Variants in NLRP14 observed in about 807,000 individuals in gnomAD.
NLRP14 encodes NLR family pyrin domain containing 14.
In NLRP14, 105 loss-of-function variants were observed where a neutral mutation model predicts 94.7. That is an observed-to-expected ratio of 1.11 (90% CI 0.95 to 1.30). The LOEUF is 1.30. Among genes scored for constraint, NLRP14 ranks in the 50% most tolerant of loss-of-function variants. The pLI, the probability that NLRP14 is intolerant of heterozygous loss-of-function variation, is 0.00. For synonymous variants in NLRP14, 508 were observed against 459.9 expected (o/e 1.10, Z -1.34); for missense variants, 1,362 against 1,254.1 (o/e 1.09, Z -1.30).
At chr11:7,028,361 A>G (rs1048491666) in intron 1 of NLRP14, among the ~76,000 whole-genome samples, 24 of 152,048 alleles carry the variant, frequency 1.6e-4, no homozygotes, top group Non-Finnish European at 1.5e-4. Flanking sequence ...TTGCAGTTCT[A>G]TCTTAAAAAC....
downstream of NLRP14, among the ~76,000 whole-genome samples, chr11:7,075,317 T>A (rs1362278316): frequency 6.6e-6 from 1 of 152,178 alleles, no homozygotes; most frequent in Non-Finnish European, 1.5e-5. Context: ...TTTTTGAAAA[T>A]TTCAACATTT....
chr11:7,080,863 A>G, the NLRP14 span, among the ~76,000 whole-genome samples: 1 of 152,212 alleles, frequency 6.6e-6, no homozygotes, highest in African/African-American at 2.4e-5. Context: ...TGTGGTCAGG[A>G]TCACTTTCTC....
chr11:7,082,799 T>C, the NLRP14 span, among the ~76,000 whole-genome samples: 6 of 152,202 alleles, frequency 3.9e-5, no homozygotes, highest in Non-Finnish European at 5.9e-5. Flanking sequence ...CCCACTACCA[T>C]TCACATAGGG....
downstream of NLRP14, among the ~76,000 whole-genome samples, chr11:7,072,566 C>T (rs1391442199): frequency 6.6e-6 from 1 of 152,168 alleles, no homozygotes; most frequent in Non-Finnish European, 1.5e-5. Context: ...CCTGTTGATC[C>T]CTCCCTTGGG....
intron 1 of NLRP14, among the ~76,000 whole-genome samples, chr11:7,033,811 G>T (rs150924974): frequency 1.9e-4 from 29 of 152,326 alleles, no homozygotes; most frequent in African/African-American, 6.7e-4. Flanking sequence ...GACCTTGACA[G>T]TTCTGAGAAG....
At chr11:7,040,173 C>T (rs188083518) in intron 3 of NLRP14, among the ~76,000 whole-genome samples, 9 of 152,142 alleles carry the variant, frequency 5.9e-5, no homozygotes, top group Non-Finnish European at 1.0e-4. Context: ...CATATAAAAA[C>T]TGATTTCTAG....
downstream of NLRP14, among the ~76,000 whole-genome samples, chr11:7,075,379 TAGG>T (rs1406685504): frequency 5.3e-5 from 8 of 152,204 alleles, no homozygotes; most frequent in African/African-American, 1.7e-4. Context: ...AGTGGGCTGA[TAGG>T]AGGAATATTA....
At chr11:7,070,542 A>T in intron 11 of NLRP14, 86 bp downstream of exon 11, 1 of 848,974 alleles carries the variant, frequency 1.2e-6, no homozygotes, top group Non-Finnish European at 2.0e-6. Flanking sequence ...CTCAGAATCC[A>T]CCTAATTGTG....
chr11:7,070,506 T>C lies in NLRP14; in HGVS notation c.3146+50T>C, dbSNP rs374998315. 2.9e-5 allele frequency: 39 copies of C among 1,350,374 alleles called. No homozygotes were observed. In the African/African-American group the frequency reaches 5.2e-4, roughly 18 times the overall value. The allele number at this position is 1,350,374 out of a possible 1,614,324, so 83.6% of individuals were successfully genotyped here. On this transcript the variant is annotated intron_variant, in intron 11 of 11. Coordinates refer to ENST00000299481, the MANE Select transcript of NLRP14 (RefSeq NM_176822.4). ...GGGAGCATTTCCTATAATGAGGGATTTGGGGAGCCACTCATTAATACAGGC... is the reference window on the plus strand; with the variant it reads ...GGGAGCATTTCCTATAATGAGGGATCTGGGGAGCCACTCATTAATACAGGC...
Position 7,043,990 on chromosome 11 carries a change from T to A in NLRP14, c.1958+6T>A. The A allele has an allele frequency of 6.2e-7, 1 of 1,613,408 alleles. No individual in the cohort carries two copies. The highest frequency in any genetic ancestry group is 1.1e-5 in the South Asian group (1 of 91,050). On this transcript the variant is annotated splice_donor_region_variant and intron_variant, in intron 4 of 11. Coordinates refer to ENST00000299481, the MANE Select transcript of NLRP14 (RefSeq NM_176822.4). ...AGCCTCCCAACTAACACTTGGTAAG[T>A]GTGTTAGGGCCATTCCCTGGAAGTG...
intron 4 of NLRP14, 72 bp from the exon 5 acceptor site, chr11:7,046,596 C>G: frequency 7.2e-7 from 1 of 1,396,346 alleles, no homozygotes; most frequent in Non-Finnish European, 1.0e-6. Context: ...TACTCCAATA[C>G]TATCCTCTGA....
At chr11:7,052,863 A>C (rs1852460466) in intron 6 of NLRP14, among the ~76,000 whole-genome samples, 1 of 152,198 alleles carries the variant, frequency 6.6e-6, no homozygotes, top group Admixed American at 6.5e-5. Context: ...GAATTTGGGG[A>C]AATGAGAATA....
chr11:7,078,805 A>G, the NLRP14 span, among the ~76,000 whole-genome samples: 1 of 152,140 alleles, frequency 6.6e-6, no homozygotes, highest in Non-Finnish European at 1.5e-5. Context: ...AAAATTGATT[A>G]AATCTTTTAA....
chr11:7,065,068 C>G (rs1422163169), intron 10 of NLRP14, among the ~76,000 whole-genome samples: 1 of 151,974 alleles, frequency 6.6e-6, no homozygotes, highest in African/African-American at 2.4e-5. Context: ...CTCTCCTTCC[C>G]CTTTACATTT....
At chr11:7,070,095 G>T (rs959313270) in intron 10 of NLRP14, among the ~76,000 whole-genome samples, 191 bp from the exon 11 acceptor site, 2 of 152,098 alleles carry the variant, frequency 1.3e-5, no homozygotes, top group Non-Finnish European at 2.9e-5. Context: ...TTTTGGAAGG[G>T]ATAAGTTCAG....
chr11:7,036,824 G>A (rs1242418596), intron 1 of NLRP14, among the ~76,000 whole-genome samples: 1 of 152,070 alleles, frequency 6.6e-6, no homozygotes, highest in Non-Finnish European at 1.5e-5. Flanking sequence ...TGGAGTAAAG[G>A]GAATATTTGT....
chr11:7,043,900 G>A lies in NLRP14; in HGVS notation c.1874G>A (p.Cys625Tyr). 1 of 1,614,118 alleles carries A rather than the reference G, an allele frequency of 6.2e-7. No homozygotes were observed. Among genetic ancestry groups the A allele is most frequent in the East Asian group, 2.2e-5 (1 of 44,882 alleles). The change falls in exon 4 of 12, where the codon TGC (cysteine) becomes TAC (tyrosine). Residue 625 changes from cysteine (C) to tyrosine (Y), a missense_variant. Physicochemically the swap from Cys to Tyr is radical, Grantham distance 194. Transcript: ENST00000299481. ...GTATCTTCTTTCTGCCTTAAGCACT[G>A]CCGGTGTTTGCGGACCATCAGGCTG... ...LLVSSFCLKH[C>Y]RCLRTIRLSV...
chr11:7,030,529 C>T (rs1301082201), intron 1 of NLRP14, among the ~76,000 whole-genome samples: 3 of 151,770 alleles, frequency 2.0e-5, no homozygotes, highest in African/African-American at 7.3e-5. Flanking sequence ...ACTTTTCACC[C>T]CCAGCGCTGT....
chr11:7,072,126 G>C (rs1020156059), downstream of NLRP14, among the ~76,000 whole-genome samples: 8 of 152,154 alleles, frequency 5.3e-5, no homozygotes, highest in African/African-American at 1.9e-4. Context: ...AAACAATAAT[G>C]ATTTTATTAA....
Sources: gnomAD v4.1 joint callset for allele counts (sites outside exome capture counted in the v4.1 genomes callset) on GRCh38, gnomAD v4.1.1 for gene constraint, MANE v1.5 for transcripts, NCBI Gene and HGNC (gene_info 2026-07-23, HGNC 2026-07-21) for gene names.